DPYSL2: variants seen among roughly 807,000 people sequenced by gnomAD.
DPYSL2 encodes the protein dihydropyrimidinase-related protein 2.
Under a neutral mutation model 69.9 loss-of-function variants are expected in DPYSL2, and 13 were observed. The observed-to-expected ratio is 0.19, with a 90% CI of 0.12 to 0.30. The LOEUF is 0.30. Ranked by LOEUF, DPYSL2 falls within the 10% of genes least tolerant of loss-of-function variation. The probability of loss-of-function intolerance (pLI) is 1.00; values close to 1 mark genes in which losing one functional copy is unlikely to be tolerated. For synonymous variants in DPYSL2, 326 were observed against 359.1 expected (o/e 0.91, Z 1.04); for missense variants, 587 against 918.9 (o/e 0.64, Z 4.67).
At chr8:26,603,829 G>A (rs1029401907) in intron 3 of DPYSL2, among the ~76,000 whole-genome samples, 2 of 151,894 alleles carry the variant, frequency 1.3e-5, no homozygotes, top group Non-Finnish European at 2.9e-5. Flanking sequence ...TTTTTTTTAT[G>A]GATAATATTT....
chr8:26,526,058 T>C (rs1193611736), intron 1 of DPYSL2, among the ~76,000 whole-genome samples: 5 of 152,194 alleles, frequency 3.3e-5, no homozygotes, highest in Non-Finnish European at 7.3e-5. Context: ...TTCCCTGTTA[T>C]ATTTGGTAGT....
chr8:26,607,321 C>T (rs6988457), intron 3 of DPYSL2, among the ~76,000 whole-genome samples: 17,687 of 151,036 alleles, frequency 0.12, 1,141 homozygotes, highest in African/African-American at 0.14. Flanking sequence ...CCCATCTCTA[C>T]TAAAAATACA....
Position 26,652,272 on chromosome 8 carries a change from A to G in DPYSL2, c.1612A>G (p.Ile538Val), listed in dbSNP as rs548249708. Residue 538 changes from isoleucine to valine, a missense_variant, in exon 12 of 14, where the codon ATC becomes GTC. Transcript: ENST00000521913. The surrounding 1 kb of genome is among the most constrained non-coding windows in gnomAD (Gnocchi z 6.3). ...KTHNSSLEYN[I>V]FEGMECRGSP... The stretch of plus-strand genomic sequence containing the variant: ...TTCTTCTCAGTCTCTCGAGTACAAC[A>G]TCTTTGAAGGCATGGAGTGCCGCGG... 4.8e-4 allele frequency: 781 copies of G among 1,613,638 alleles called. 10 individuals carry two copies. In the South Asian group the frequency reaches 8.0e-3, roughly 17 times the overall value.
At chr8:26,522,332 C>T (rs981435796) in intron 1 of DPYSL2, among the ~76,000 whole-genome samples, 26 of 137,712 alleles carry the variant, frequency 1.9e-4, no homozygotes, top group Non-Finnish European at 3.8e-4. Context: ...AACAAACAAA[C>T]AAACAAATGT....
chr8:26,515,635 C>T (rs951160211), intron 1 of DPYSL2, among the ~76,000 whole-genome samples: 11 of 152,164 alleles, frequency 7.2e-5, no homozygotes, highest in African/African-American at 2.7e-4. Flanking sequence ...AATCTCACAC[C>T]ACAATTCTTT....
rs566363719 is a variant in DPYSL2, at chr8:26,621,477, A to G, written c.629-2666A>G. On this transcript the variant is annotated intron_variant, in intron 3 of 13. Coordinates refer to ENST00000521913, the MANE Select transcript of DPYSL2 (RefSeq NM_001197293.3). The surrounding 1 kb of genome is among the most constrained non-coding windows in gnomAD (Gnocchi z 4.9). ...TGCTGCTTGACCTGATTGCAAGTGG[A>G]ATGTGAGAGCCAGAAGGAAATATTC... 4.1e-4 allele frequency among the ~76,000 whole-genome samples: 62 copies of G among 152,286 alleles called. No individual in the cohort carries two copies. Among genetic ancestry groups the G allele is most frequent in the Admixed American group, 6.5e-4 (10 of 15,298 alleles).
At chr8:26,602,341 C>T (rs751167472) in intron 3 of DPYSL2, among the ~76,000 whole-genome samples, 5 of 152,012 alleles carry the variant, frequency 3.3e-5, no homozygotes, top group Non-Finnish European at 7.4e-5. Flanking sequence ...TCTCGTCCTC[C>T]TAAATCCCGC....
intron 1 of DPYSL2, among the ~76,000 whole-genome samples, chr8:26,528,583 G>A (rs1270591117): frequency 6.6e-6 from 1 of 151,642 alleles, no homozygotes; most frequent in Non-Finnish European, 1.5e-5. Context: ...GTGGGTGGAG[G>A]TTGCAGTGAG....
chr8:26,611,837 G>C (rs573929021), intron 3 of DPYSL2, among the ~76,000 whole-genome samples: 5 of 152,186 alleles, frequency 3.3e-5, no homozygotes, highest in Admixed American at 6.5e-5. Context: ...CCCTGGACCC[G>C]GAAAGAGGGA....
chr8:26,646,470 T>C (rs1297725809), intron 10 of DPYSL2, among the ~76,000 whole-genome samples: 4 of 152,230 alleles, frequency 2.6e-5, no homozygotes, highest in African/African-American at 9.6e-5. Context: ...GTGAATTTTG[T>C]GTCTTATTGT....
At chr8:26,618,367 C>T (rs906692203) in intron 3 of DPYSL2, among the ~76,000 whole-genome samples, 20 of 150,896 alleles carry the variant, frequency 1.3e-4, no homozygotes, top group African/African-American at 4.9e-4. Context: ...AGCTGAAGTG[C>T]AGTGGTGCAG....
rs1459187241 is a variant in DPYSL2, at chr8:26,564,160, G to A, written c.355-17809G>A. Among the ~76,000 whole-genome samples, 1 of 152,196 alleles carries A rather than the reference G, an allele frequency of 6.6e-6. No individual in the cohort carries two copies. The highest frequency in any genetic ancestry group is 1.5e-5 in the Non-Finnish European group (1 of 68,042). On this transcript the variant is annotated intron_variant, in intron 1 of 13. Coordinates refer to ENST00000521913, the MANE Select transcript of DPYSL2 (RefSeq NM_001197293.3). This position sits in a 1 kb window ranked among gnomAD's most constrained non-coding sequence, Gnocchi z 4.8. ...GCTCAGTTAAAATAAAGATCACAAA[G>A]TGCGCATTAGCTTCCAATTAGCATG...
chr8:26,539,483 A>G (rs1159923139), intron 1 of DPYSL2, among the ~76,000 whole-genome samples: 1 of 152,234 alleles, frequency 6.6e-6, no homozygotes, highest in Non-Finnish European at 1.5e-5. Context: ...GTTTTCCACT[A>G]CATACACAGT....
In DPYSL2 at chr8:26,640,890, C is replaced by T. The variant is rs955234646; in HGVS notation, c.1127-2549C>T. 2.0e-5 allele frequency among the ~76,000 whole-genome samples: 3 copies of T among 152,104 alleles called. No individual in the cohort carries two copies. The highest frequency in any genetic ancestry group is 2.9e-5 in the Non-Finnish European group (2 of 68,020). On this transcript the variant is annotated intron_variant, in intron 8 of 13. Transcript: ENST00000521913. The surrounding 1 kb of genome is among the most constrained non-coding windows in gnomAD (Gnocchi z 4.2). ...AGAGGCAGGTTCTGCTCAGCAGTGGCGTTGAGAGCTCAGACCCCATTTTGG... is the reference window on the plus strand; with the variant it reads ...AGAGGCAGGTTCTGCTCAGCAGTGGTGTTGAGAGCTCAGACCCCATTTTGG...
Position 26,521,386 on chromosome 8 carries a change from G to A in DPYSL2, c.354+6707G>A, listed in dbSNP as rs546233546. Among the ~76,000 whole-genome samples the A allele has an allele frequency of 9.9e-5, 15 of 152,258 alleles. No individual in the cohort carries two copies. In the East Asian group the frequency reaches 2.5e-3, roughly 25 times the overall value. ...CCTGCACAGTCATCTAACCTCAGTG[G>A]TCATTGGGCTGTCCTAGGAATCTCT... On this transcript the variant is annotated intron_variant, in intron 1 of 13. Transcript: ENST00000521913.
intron 1 of DPYSL2, among the ~76,000 whole-genome samples, chr8:26,556,497 G>A (rs1368465450): frequency 1.6e-5 from 2 of 121,732 alleles, no homozygotes; most frequent in African/African-American, 6.9e-5. Flanking sequence ...AAGATTGTAG[G>A]ATATAAGGTT....
At chr8:26,592,497 C>T (rs1345113783) in intron 3 of DPYSL2, among the ~76,000 whole-genome samples, 9 of 129,926 alleles carry the variant, frequency 6.9e-5, no homozygotes, top group Admixed American at 1.7e-4. Context: ...TTTATTAAGA[C>T]GGAGTTTTGC....
chr8:26,527,787 G>A (rs752702267), intron 1 of DPYSL2, among the ~76,000 whole-genome samples: 2 of 147,054 alleles, frequency 1.4e-5, no homozygotes, highest in African/African-American at 5.0e-5. Context: ...TGAATGTATG[G>A]TTCTTATTTG....
At chr8:26,522,337 A>AAACAAACT (rs59100943) in intron 1 of DPYSL2, among the ~76,000 whole-genome samples, 99 of 138,012 alleles carry the variant, frequency 7.2e-4, no homozygotes, top group African/African-American at 2.5e-3. Flanking sequence ...ACAAACAAAC[A>AAACAAACT]AATGTTTTCA....
Sources: allele counts gnomAD v4.1 joint callset (sites outside exome capture counted in the v4.1 genomes callset), GRCh38; gene constraint gnomAD v4.1.1; non-coding constraint Gnocchi (gnomAD v3.1); transcripts MANE v1.5; gene names NCBI Gene and HGNC (gene_info 2026-07-23, HGNC 2026-07-21).